The following HS6ST3 variants were observed in gnomAD, a reference collection of about 807,000 sequenced individuals.
HS6ST3 encodes the protein heparan sulfate 6-O-sulfotransferase 3.
A neutral mutation model predicts 36.7 loss-of-function variants in HS6ST3; 12 were observed. That is an observed-to-expected ratio of 0.33 (90% CI 0.21 to 0.53). The LOEUF (loss-of-function observed/expected upper bound fraction) is 0.53. HS6ST3 is among the 20% of genes least tolerant of loss of function. The pLI is 0.95. For synonymous variants in HS6ST3, 240 were observed against 257.5 expected (o/e 0.93, Z 0.65); for missense variants, 584 against 640.9 (o/e 0.91, Z 0.96).
intron 1 of HS6ST3, among the ~76,000 whole-genome samples, chr13:96,720,263 A>G (rs1875809594): frequency 6.6e-6 from 1 of 152,200 alleles, no homozygotes; most frequent in Non-Finnish European, 1.5e-5. Context: ...TATAAGCTCT[A>G]CAAGACCATG....
intron 1 of HS6ST3, among the ~76,000 whole-genome samples, chr13:96,134,487 G>A (rs1274655280): frequency 1.3e-5 from 2 of 151,104 alleles, no homozygotes. Flanking sequence ...CATTTTAACA[G>A]TGTCATAATT....
chr13:96,637,513 A>T (rs2056554122), intron 1 of HS6ST3, among the ~76,000 whole-genome samples: 1 of 152,132 alleles, frequency 6.6e-6, no homozygotes, highest in African/African-American at 2.4e-5. Flanking sequence ...GAATTGAGAT[A>T]CCATCATGCC....
chr13:96,175,432 G>T (rs1157250746), intron 1 of HS6ST3, among the ~76,000 whole-genome samples: 1 of 151,920 alleles, frequency 6.6e-6, no homozygotes, highest in Non-Finnish European at 1.5e-5. Context: ...GGCTGGGTCA[G>T]GTTGGATTTC....
chr13:96,796,812 GGT>G (rs1877923227), intron 1 of HS6ST3, among the ~76,000 whole-genome samples: 1 of 152,040 alleles, frequency 6.6e-6, no homozygotes, highest in Non-Finnish European at 1.5e-5. Context: ...AATAAGTCAT[GGT>G]GTTATTACTT....
At chr13:96,525,773 A>G (rs2056111355) in intron 1 of HS6ST3, among the ~76,000 whole-genome samples, 1 of 152,180 alleles carries the variant, frequency 6.6e-6, no homozygotes, top group Admixed American at 6.5e-5. Context: ...ACAAATCTAA[A>G]CATATTAATT....
chr13:96,832,814 C>T lies in HS6ST3; in HGVS notation c.1032C>T (p.Asn344=). The change falls in exon 2 of 2, where the codon AAC becomes AAT. Residue 344 remains asparagine, a synonymous_variant. Transcript: ENST00000376705. ...NTILLQSAKN[N]LKNMAFFGLT... is the part of the protein sequence containing the mutation. Reference sequence around the variant, plus strand: ...TCCTGTTGCAGAGTGCAAAGAACAACCTGAAGAACATGGCCTTCTTTGGGC... The same window carrying T: ...TCCTGTTGCAGAGTGCAAAGAACAATCTGAAGAACATGGCCTTCTTTGGGC... 1 of 1,614,130 alleles carries T rather than the reference C, an allele frequency of 6.2e-7. No individual in the cohort carries two copies.
chr13:96,347,376 T>G (rs2055161046), intron 1 of HS6ST3, among the ~76,000 whole-genome samples: 1 of 152,200 alleles, frequency 6.6e-6, no homozygotes, highest in African/African-American at 2.4e-5. Flanking sequence ...CATTCTGGTC[T>G]TTTGCTGCCT....
intron 1 of HS6ST3, among the ~76,000 whole-genome samples, chr13:96,355,441 A>G (rs2055205860): frequency 6.6e-6 from 1 of 151,776 alleles, no homozygotes; most frequent in African/African-American, 2.4e-5. Context: ...ATAGATGATA[A>G]TGTGGGTTTG....
At chr13:96,180,508 TAAGG>T (rs906865282) in intron 1 of HS6ST3, among the ~76,000 whole-genome samples, 26 of 146,986 alleles carry the variant, frequency 1.8e-4, no homozygotes, top group Admixed American at 4.8e-4. Context: ...GCAAAATAAA[TAAGG>T]AAGGGCTAAT....
At chr13:96,228,794 G>T (rs912129199) in intron 1 of HS6ST3, among the ~76,000 whole-genome samples, 1 of 152,056 alleles carries the variant, frequency 6.6e-6, no homozygotes, top group African/African-American at 2.4e-5. Context: ...ACATAAAAAC[G>T]GATCAATGTA....
At chr13:96,741,722 A>G (rs1876443303) in intron 1 of HS6ST3, among the ~76,000 whole-genome samples, 1 of 152,224 alleles carries the variant, frequency 6.6e-6, no homozygotes, top group African/African-American at 2.4e-5. Flanking sequence ...ATAGAAGAAA[A>G]TGTATTAGTT....
At chr13:96,771,405 G>A (rs1029021518) in intron 1 of HS6ST3, among the ~76,000 whole-genome samples, 11 of 151,924 alleles carry the variant, frequency 7.2e-5, no homozygotes, top group Non-Finnish European at 1.6e-4. Context: ...ATGTACCCTA[G>A]AACTTAAAGT....
At chr13:96,397,383 C>T (rs59100519) in intron 1 of HS6ST3, among the ~76,000 whole-genome samples, 2,658 of 151,960 alleles carry the variant, frequency 0.017, 84 homozygotes, top group African/African-American at 0.058. Flanking sequence ...CCCTTTGATC[C>T]ACTCATTCTT....
At chr13:96,394,651 C>T (rs963918344) in intron 1 of HS6ST3, among the ~76,000 whole-genome samples, 1 of 152,154 alleles carries the variant, frequency 6.6e-6, no homozygotes, top group Non-Finnish European at 1.5e-5. Flanking sequence ...TCAAGAAAGG[C>T]ATGAGTATAG....
intron 1 of HS6ST3, among the ~76,000 whole-genome samples, chr13:96,376,380 T>C (rs1814202501): frequency 2.6e-5 from 4 of 152,168 alleles, no homozygotes; most frequent in Admixed American, 2.0e-4. Flanking sequence ...TGGGAGCCAT[T>C]GTACTGTCTT....
intron 1 of HS6ST3, among the ~76,000 whole-genome samples, chr13:96,623,073 T>C (rs1441526787): frequency 6.6e-6 from 1 of 152,346 alleles, no homozygotes; most frequent in East Asian, 1.9e-4. Context: ...TTTTTATTTA[T>C]CTGCTGACTC....
intron 1 of HS6ST3, among the ~76,000 whole-genome samples, chr13:96,117,743 A>G (rs1249861127): frequency 6.6e-6 from 1 of 152,196 alleles, no homozygotes; most frequent in Non-Finnish European, 1.5e-5. Context: ...TATGTAATAG[A>G]CTGCATGAAT....
chr13:96,236,820 A>C (rs2054536742), intron 1 of HS6ST3, among the ~76,000 whole-genome samples: 1 of 152,102 alleles, frequency 6.6e-6, no homozygotes. Context: ...TGCTCTCCTC[A>C]AATCTTTTTA....
At chr13:96,581,298 C>A (rs2056341120) in intron 1 of HS6ST3, among the ~76,000 whole-genome samples, 1 of 151,474 alleles carries the variant, frequency 6.6e-6, no homozygotes, top group African/African-American at 2.4e-5. Flanking sequence ...TGGCTCACTG[C>A]AACCTCTGCC....
Sources: gnomAD v4.1 joint callset for allele counts (sites outside exome capture counted in the v4.1 genomes callset) on GRCh38, gnomAD v4.1.1 for gene constraint, MANE v1.5 for transcripts, NCBI Gene and HGNC (gene_info 2026-07-23, HGNC 2026-07-21) for gene names.